The following DNAAF8 variants were observed in gnomAD, a reference collection of about 807,000 sequenced individuals.
DNAAF8 encodes dynein axonemal assembly factor 8, also known as dynein axonemal-associated protein 1.
In DNAAF8, 61 loss-of-function variants were observed where a neutral mutation model predicts 54.6. That is an observed-to-expected ratio of 1.12 (90% CI 0.91 to 1.38). The LOEUF (loss-of-function observed/expected upper bound fraction) is 1.38, where lower values mean the gene tolerates loss of function less well. DNAAF8 is among the 40% of genes most tolerant of loss of function. The pLI is 0.00. For synonymous variants in DNAAF8, 320 were observed against 270.1 expected (o/e 1.18, Z -1.81); for missense variants, 837 against 665.0 (o/e 1.26, Z -2.85).
rs372365401 is a variant in DNAAF8, at chr16:4,747,017, G to C, written c.1272G>C (p.Leu424=). The C allele has an allele frequency of 1.3e-6, 2 of 1,529,900 alleles. No individual in the cohort carries two copies. The highest frequency in any genetic ancestry group is 1.7e-6 in the Non-Finnish European group (2 of 1,143,146). The allele number at this position is 1,529,900 out of a possible 1,614,324, so 94.8% of individuals were successfully genotyped here. Residue 424 remains leucine (L), a synonymous_variant, in exon 8 of 10, where the codon CTG becomes CTC. Transcript: ENST00000299320. ...GDAEGASPSS[L]GLRTCTGKSQ... is the part of the protein sequence containing the mutation. ...CAGAGGGGGCATCTCCTTCCTCCCT[G>C]GGGCTACGGTAACCACCCAGGGGCC...
intron 3 of DNAAF8, among the ~76,000 whole-genome samples, chr16:4,739,930 G>A (rs1049896989): frequency 3.3e-5 from 5 of 151,618 alleles, no homozygotes; most frequent in African/African-American, 9.7e-5. Flanking sequence ...CTAGTAGTAT[G>A]TGCCTGTCAT....
In DNAAF8 at chr16:4,740,637, G is replaced by A. The variant is rs758436379; in HGVS notation, c.761G>A (p.Gly254Glu). 1.3e-5 allele frequency: 21 copies of A among 1,605,620 alleles called. No homozygotes were observed. The highest frequency in any genetic ancestry group is 1.8e-5 in the Non-Finnish European group (21 of 1,178,218). ...SKMPLVEPPE[G>E]PPVLSLQQLE... is the part of the protein sequence containing the mutation. The stretch of plus-strand genomic sequence containing the variant: ...ATGCCCCTCGTGGAGCCTCCGGAGG[G>A]ACCACCAGTGCTCTCGCTCCAGGTA... Residue 254 changes from glycine to glutamate, a missense_variant, in exon 4 of 10, where the codon GGA becomes GAA. Transcript: ENST00000299320.
At chr16:4,748,655 G>A (rs1471208511) in intron 9 of DNAAF8, 70 bp from the exon 10 acceptor site, 1 of 152,430 alleles carries the variant, frequency 6.6e-6, no homozygotes, top group South Asian at 2.1e-4. Context: ...CGTCTTCACG[G>A]GATGCTTTTG....
Position 4,740,156 on chromosome 16 carries a change from G to C in DNAAF8, c.280G>C (p.Val94Leu). 1 of 1,603,262 alleles carries C rather than the reference G, an allele frequency of 6.2e-7. No individual in the cohort carries two copies. Among genetic ancestry groups the C allele is most frequent in the Middle Eastern group, 1.7e-4 (1 of 6,026 alleles). ...AACATACCTGTTTTCTTGACAGCCAGTTCTGGTGCCTGCAGAATTGGCCAC... is the reference window on the plus strand; with the variant it reads ...AACATACCTGTTTTCTTGACAGCCACTTCTGGTGCCTGCAGAATTGGCCAC... ...AAAEESLPEP[V>L]LVPAELATEP... The change falls in exon 4 of 10, where the codon GTT (valine) becomes CTT (leucine). Residue 94 changes from valine (V) to leucine (L), a missense_variant. Coordinates refer to ENST00000299320, the MANE Select transcript of DNAAF8 (RefSeq NM_139170.3).
Position 4,743,082 on chromosome 16 carries a change from C to G in DNAAF8, c.823C>G (p.Leu275Val), listed in dbSNP as rs763440576. 3.7e-5 allele frequency: 60 copies of G among 1,612,428 alleles called. No homozygotes were observed. The highest frequency in any genetic ancestry group is 5.1e-5 in the Non-Finnish European group (60 of 1,179,314). Reference protein sequence around the residue: ...AWDLDDILQSLAGQEDNQGNR... With the variant: ...AWDLDDILQSVAGQEDNQGNR... ...GGATTTGGATGACATCCTTCAGAGTCTGGCGGGACAAGAAGACAACCAGGG... is the reference window on the plus strand; with the variant it reads ...GGATTTGGATGACATCCTTCAGAGTGTGGCGGGACAAGAAGACAACCAGGG... The change falls in exon 5 of 10, where the codon CTG (leucine) becomes GTG (valine). Residue 275 changes from leucine (L) to valine (V), a missense_variant. By Grantham distance (32) the Leu-to-Val change is conservative (BLOSUM62 1). Coordinates refer to ENST00000299320, the MANE Select transcript of DNAAF8 (RefSeq NM_139170.3).
At position 4,740,548 on chromosome 16, in the gene DNAAF8, C is replaced by T. The variant is rs758167353; in HGVS notation, c.672C>T (p.Ser224=). The stretch of plus-strand genomic sequence containing the variant: ...CCCGGGATGCCTGCGGCCCGACCAG[C>T]AGTGACAAAGGTGGGGTGAAGGAGG... ...KVTRDACGPT[S]SDKGGVKEAP... The change falls in exon 4 of 10, where the codon AGC becomes AGT. Residue 224 remains serine, a synonymous_variant. Coordinates refer to ENST00000299320, the MANE Select transcript of DNAAF8 (RefSeq NM_139170.3). 8 of 1,613,910 alleles carry T rather than the reference C, an allele frequency of 5.0e-6. No homozygotes were observed. The African/African-American group carries it at 9.3e-5, about 19-fold the overall frequency.
At chr16:4,738,669 A>T (rs954625809) in intron 3 of DNAAF8, among the ~76,000 whole-genome samples, 5 of 152,088 alleles carry the variant, frequency 3.3e-5, no homozygotes, top group African/African-American at 4.8e-5. Context: ...GATCACTTGA[A>T]GTCAGGAGTT....
Position 4,740,616 on chromosome 16 carries a change from C to G in DNAAF8, c.740C>G (p.Pro247Arg). The change falls in exon 4 of 10, where the codon CCC becomes CGC. Residue 247 changes from proline (P) to arginine (R), a missense_variant. Transcript: ENST00000299320. ...GAGTCAGCTCCCAGATCCAAAATGC[C>G]CCTCGTGGAGCCTCCGGAGGGACCA... Reference protein sequence around the residue: ...AAESAPRSKMPLVEPPEGPPV... With the variant: ...AAESAPRSKMRLVEPPEGPPV... The G allele has an allele frequency of 1.9e-6, 3 of 1,611,664 alleles. No individual in the cohort carries two copies. Among genetic ancestry groups the G allele is most frequent in the Non-Finnish European group, 1.7e-6 (2 of 1,179,900 alleles).
chr16:4,743,271 A>T, intron 5 of DNAAF8, 111 bp downstream of exon 5: 1 of 723,966 alleles, frequency 1.4e-6, no homozygotes, highest in Non-Finnish European at 2.2e-6. Flanking sequence ...CAGCCCACAC[A>T]AGTCTTCCCT....
intron 5 of DNAAF8, chr16:4,743,922 C>CTTTTTTTTTT (rs549586077): frequency 2.8e-5 from 3 of 106,024 alleles, no homozygotes; most frequent in African/African-American, 1.1e-4. Flanking sequence ...AGAATGTATT[C>CTTTTTTTTTT]TTTTTTTTTT....
At chr16:4,745,876 C>A (rs954358957) in intron 6 of DNAAF8, among the ~76,000 whole-genome samples, 1 of 151,552 alleles carries the variant, frequency 6.6e-6, no homozygotes, top group Admixed American at 6.6e-5. Flanking sequence ...ATCTCTTGAA[C>A]CCAGGAGGCG....
At position 4,746,478 on chromosome 16, in the gene DNAAF8, C is replaced by T. The variant is rs1448437647; in HGVS notation, c.1147C>T (p.Gln383Ter). 4 of 1,613,622 alleles carry T rather than the reference C, an allele frequency of 2.5e-6. No homozygotes were observed. Among genetic ancestry groups the T allele is most frequent in the East Asian group, 4.5e-5 (2 of 44,900 alleles). ...CCCCACCATCTTTATTGACCTGCGG[C>T]AGATGGAGCTACCAGACCACCTGTC... ...ESPTIFIDLR[Q>*]MELPDHLSPE... The change falls in exon 7 of 10, where the codon CAG becomes TAG. Residue 383 changes from glutamine to a stop codon, truncating the protein, a stop_gained. Coordinates refer to ENST00000299320, the MANE Select transcript of DNAAF8 (RefSeq NM_139170.3). LOFTEE classifies it high-confidence loss of function.
Position 4,740,205 on chromosome 16 carries a change from C to T in DNAAF8, c.329C>T (p.Thr110Ile). The T allele has an allele frequency of 6.2e-7, 1 of 1,614,036 alleles. No individual in the cohort carries two copies. The highest frequency in any genetic ancestry group is 8.5e-7 in the Non-Finnish European group (1 of 1,179,960). The change falls in exon 4 of 10, where the codon ACA becomes ATA. Residue 110 changes from threonine (T) to isoleucine (I), a missense_variant. By Grantham distance (89) the Thr-to-Ile change is moderately conservative. Coordinates refer to ENST00000299320, the MANE Select transcript of DNAAF8 (RefSeq NM_139170.3). ...ACAGAACCTGGGTGCAGACAGAACA[C>T]AAGGACAAAGGATGCATCCTCTCAG... is the stretch of plus-strand genomic sequence containing the variant. ...LATEPGCRQN[T>I]RTKDASSQEG...
At chr16:4,743,518 CA>C (rs2142208739) in intron 5 of DNAAF8, 1 of 176,720 alleles carries the variant, frequency 5.7e-6, no homozygotes, top group East Asian at 1.7e-4. Context: ...TGTGCGCAGT[CA>C]GCTCCTAAGC....
chr16:4,747,021 C>T lies in DNAAF8; in HGVS notation c.1276C>T (p.Leu426=), dbSNP rs1481282183. The T allele has an allele frequency of 3.7e-5, 57 of 1,530,056 alleles. No homozygotes were observed. The highest frequency in any genetic ancestry group is 5.0e-5 in the Non-Finnish European group (57 of 1,143,414). The allele number at this position is 1,530,056 out of a possible 1,614,324, so 94.8% of individuals were successfully genotyped here. Residue 426 remains leucine, a synonymous_variant, in exon 8 of 10, where the codon CTA becomes TTA. Coordinates refer to ENST00000299320, the MANE Select transcript of DNAAF8 (RefSeq NM_139170.3). ...AEGASPSSLG[L]RTCTGKSQLL... is the part of the protein sequence containing the mutation. ...GGGGGCATCTCCTTCCTCCCTGGGGCTACGGTAACCACCCAGGGGCCTCTC... is the reference window on the plus strand; with the variant it reads ...GGGGGCATCTCCTTCCTCCCTGGGGTTACGGTAACCACCCAGGGGCCTCTC...
At chr16:4,747,900 A>C (rs553599445) in intron 9 of DNAAF8, among the ~76,000 whole-genome samples, 118 of 152,304 alleles carry the variant, frequency 7.7e-4, no homozygotes, top group South Asian at 4.3e-3. Flanking sequence ...GGGCAGGGAC[A>C]GCAGGAGGAC....
chr16:4,738,769 G>C (rs2081924331), intron 3 of DNAAF8, among the ~76,000 whole-genome samples: 1 of 152,112 alleles, frequency 6.6e-6, no homozygotes, highest in African/African-American at 2.4e-5. Context: ...TGTAATCGCA[G>C]CTACTCCAGA....
intron 4 of DNAAF8, among the ~76,000 whole-genome samples, 155 bp downstream of exon 4, chr16:4,740,814 G>C (rs1239067233): frequency 1.3e-5 from 2 of 152,144 alleles, no homozygotes; most frequent in African/African-American, 4.8e-5. Flanking sequence ...CAGTAGAGGG[G>C]TGGAGGGTCC....
At chr16:4,746,095 A>T (rs1346296692) in intron 6 of DNAAF8, 2 of 345,754 alleles carry the variant, frequency 5.8e-6, no homozygotes, top group Non-Finnish European at 1.0e-5. Context: ...ATTGGATTTA[A>T]ACTGGCTTAA....
Sources: gnomAD v4.1 joint callset for allele counts (sites outside exome capture counted in the v4.1 genomes callset) on GRCh38, gnomAD v4.1.1 for gene constraint, MANE v1.5 for transcripts, NCBI Gene and HGNC (gene_info 2026-07-23, HGNC 2026-07-21) for gene names.